TCF7: variants seen among roughly 807,000 people sequenced by gnomAD.
The protein encoded by TCF7 is T-cell-factor-7.
In TCF7, 19 loss-of-function variants were observed where a neutral mutation model predicts 46.8. The observed-to-expected ratio is 0.41, with a 90% confidence interval of 0.28 to 0.60. The LOEUF (loss-of-function observed/expected upper bound fraction) is 0.60, where lower values mean the gene tolerates loss of function less well. TCF7 is among the 20% of genes least tolerant of loss of function. The pLI is 0.35. For synonymous variants in TCF7, 245 were observed against 213.4 expected (o/e 1.15, Z -1.29); for missense variants, 547 against 504.6 (o/e 1.08, Z -0.81).
intron 3 of TCF7, among the ~76,000 whole-genome samples, chr5:134,127,641 G>C (rs73790165): frequency 1.3e-5 from 2 of 152,104 alleles, no homozygotes; most frequent in African/African-American, 4.8e-5. Context: ...TTATTCCCCC[G>C]TGGGAAAGCC....
At chr5:134,123,109 C>T (rs1347697794) in intron 3 of TCF7, among the ~76,000 whole-genome samples, 1 of 152,218 alleles carries the variant, frequency 6.6e-6, no homozygotes, top group Non-Finnish European at 1.5e-5. Context: ...ACACCCAGCA[C>T]ACAGTAGGTG....
intron 9 of TCF7, chr5:134,145,137 G>A: frequency 1.6e-6 from 1 of 640,112 alleles, no homozygotes. Context: ...CAGCTCTGAT[G>A]CCAGTGGGCC....
rs1760760890 is a variant in TCF7 at position 134,146,732 on chromosome 5, T to TC, written c.*430dup. The stretch of plus-strand genomic sequence containing the variant: ...GAATCAGATCTGTCTTGATGTGTCA[T>TC]CTAATTAAGGGAATCCCTTGTACCT... On this transcript the variant is annotated 3_prime_UTR_variant, in exon 10 of 10. Coordinates refer to ENST00000342854, the MANE Select transcript of TCF7 (RefSeq NM_003202.5). The TC allele has an allele frequency of 1.7e-6, 1 of 593,592 alleles. No individual in the cohort carries two copies. Among genetic ancestry groups the TC allele is most frequent in the Non-Finnish European group, 3.0e-6 (1 of 336,154 alleles). 36.8% of individuals were successfully genotyped at this position (593,592 alleles called of 1,614,324 possible). A position where few individuals can be genotyped will look rare whatever the true frequency, so the allele number is the denominator to read the frequency against.
the TCF7 span, among the ~76,000 whole-genome samples, chr5:134,109,369 C>T: frequency 6.6e-6 from 1 of 152,180 alleles, no homozygotes. Flanking sequence ...GTGACCCCCA[C>T]ATGAACACCA....
At chr5:134,116,463 G>T (rs1755855589) in intron 3 of TCF7, among the ~76,000 whole-genome samples, 1 of 152,270 alleles carries the variant, frequency 6.6e-6, no homozygotes, top group East Asian at 1.9e-4. Flanking sequence ...CAGGAAAGCT[G>T]ATCTGTTCAG....
upstream of TCF7, among the ~76,000 whole-genome samples, chr5:134,114,329 T>C (rs1233229457): frequency 1.3e-5 from 2 of 151,924 alleles, no homozygotes; most frequent in African/African-American, 4.8e-5. Context: ...CTGGGCACGA[T>C]ACAGTTCACA....
rs146571702 is a variant in TCF7 at position 134,128,567 on chromosome 5, G to A, written c.442-9492G>A. Among the ~76,000 whole-genome samples the A allele has an allele frequency of 2.6e-3, 386 of 147,906 alleles. 3 individuals are homozygous for A. Among genetic ancestry groups the A allele is most frequent in the African/African-American group, 9.8e-3 (375 of 38,430 alleles). On this transcript the variant is annotated intron_variant, in intron 3 of 9. Transcript: ENST00000342854. Reference sequence around the variant, plus strand: ...TCCTCCTAGGGCTGGTGCAGGCTGCGGGACAGAACACATGACAAGACCCCT... The same window carrying A: ...TCCTCCTAGGGCTGGTGCAGGCTGCAGGACAGAACACATGACAAGACCCCT...
At chr5:134,127,109 C>T (rs1012955430) in intron 3 of TCF7, among the ~76,000 whole-genome samples, 4 of 152,128 alleles carry the variant, frequency 2.6e-5, no homozygotes, top group Admixed American at 6.5e-5. Flanking sequence ...GGGGGCACTG[C>T]GGGCCAAGAA....
At chr5:134,113,807 T>G (rs1755430180), upstream of TCF7, among the ~76,000 whole-genome samples, 1 of 152,212 alleles carries the variant, frequency 6.6e-6, no homozygotes, top group Non-Finnish European at 1.5e-5. Context: ...GTTAGAGGGT[T>G]AGTCAGGCCA....
At position 134,146,248 on chromosome 5, in the gene TCF7, C is replaced by T; in HGVS notation, c.1100C>T (p.Thr367Ile). 1.2e-6 allele frequency: 2 copies of T among 1,614,222 alleles called. No individual in the cohort carries two copies. Among genetic ancestry groups the T allele is most frequent in the Non-Finnish European group, 1.7e-6 (2 of 1,180,040 alleles). ...TTGGKRNAFG[T>I]YPEKAAAPAP... is the part of the protein sequence containing the mutation. ...GGAGGAAAAAGAAATGCATTCGGTACTTACCCGGAGAAGGCCGCTGCCCCA... is the reference window on the plus strand; with the variant it reads ...GGAGGAAAAAGAAATGCATTCGGTATTTACCCGGAGAAGGCCGCTGCCCCA... Residue 367 changes from threonine (T) to isoleucine (I), a missense_variant, in exon 10 of 10, where the codon ACT (threonine) becomes ATT (isoleucine). Physicochemically the swap from Thr to Ile is moderately conservative, Grantham distance 89. Transcript: ENST00000342854.
chr5:134,147,180 T>TTA lies in TCF7; in HGVS notation c.*879_*880dup, dbSNP rs1760807942. On this transcript the variant is annotated 3_prime_UTR_variant, in exon 10 of 10. Transcript: ENST00000342854. ...GCAACAGAAATAATCTGACACTACC[T>TTA]TATCAGGCAAATTGGGGAGGGGAGG... 6.6e-6 allele frequency: 1 copy of TTA among 152,296 alleles called. No individual in the cohort carries two copies. The highest frequency in any genetic ancestry group is 2.4e-5 in the African/African-American group (1 of 41,456). 9.4% of individuals were successfully genotyped at this position (152,296 alleles called of 1,614,324 possible).
Position 134,115,573 on chromosome 5 carries a change from C to T in TCF7, c.316+186C>T, listed in dbSNP as rs1166888901. ...CCGCCGGGTCGAGTCACTTCCGGTG[C>T]CCTGACCTTTATAGGAGTAAACAGA... On this transcript the variant is annotated intron_variant, in intron 2 of 9. Transcript: ENST00000342854. The T allele has an allele frequency of 1.9e-5, 28 of 1,443,548 alleles. No individual in the cohort carries two copies. In the East Asian group the frequency reaches 5.7e-4, roughly 30 times the overall value. 89.4% of individuals were successfully genotyped at this position (1,443,548 alleles called of 1,614,324 possible).
chr5:134,134,329 G>A (rs1758562150), intron 3 of TCF7, among the ~76,000 whole-genome samples: 1 of 152,270 alleles, frequency 6.6e-6, no homozygotes, highest in South Asian at 2.1e-4. Flanking sequence ...CAGAGCCAAG[G>A]CTGGATGGCA....
rs780929127 is a variant in TCF7 at position 134,115,910 on chromosome 5, C to T, written c.318C>T (p.Gly106=). 2 of 1,613,914 alleles carry T rather than the reference C, an allele frequency of 1.2e-6. No individual in the cohort carries two copies. The highest frequency in any genetic ancestry group is 8.5e-7 in the Non-Finnish European group (1 of 1,180,002). Residue 106 remains glycine (G), a splice_region_variant and synonymous_variant, in exon 3 of 10, where the codon GGC becomes GGT. Transcript: ENST00000342854. ...PDKLPEPLED[G]LKAPECTSGM... ...CTGACCCAGCTGTGGTTTTTCCAGG[C>T]CTGAAGGCCCCGGAGTGCACCAGCG...
chr5:134,112,006 A>T (rs1436722796), upstream of TCF7, among the ~76,000 whole-genome samples: 1 of 152,200 alleles, frequency 6.6e-6, no homozygotes, highest in Non-Finnish European at 1.5e-5. Flanking sequence ...TGCCTGGCAC[A>T]TAGTAATCAC....
At chr5:134,142,684 G>A (rs759773122) in intron 6 of TCF7, 37 bp from the exon 7 acceptor site, 57 of 1,608,256 alleles carry the variant, frequency 3.5e-5, no homozygotes, top group African/African-American at 2.1e-4. Flanking sequence ...GTGGGCACTC[G>A]GGGGGCTCCT....
At chr5:134,132,330 G>A (rs1231328959) in intron 3 of TCF7, among the ~76,000 whole-genome samples, 2 of 152,164 alleles carry the variant, frequency 1.3e-5, no homozygotes, top group Non-Finnish European at 2.9e-5. Flanking sequence ...CTTTTCTCTA[G>A]GCCTGAAGCA....
In TCF7 at chr5:134,146,791, T is replaced by C. The variant is rs1760769807; in HGVS notation, c.*488T>C. The C allele has an allele frequency of 2.0e-6, 1 of 496,608 alleles. No homozygotes were observed. Among genetic ancestry groups the C allele is most frequent in the Non-Finnish European group, 3.5e-6 (1 of 281,842 alleles). 30.8% of individuals were successfully genotyped at this position (496,608 alleles called of 1,614,324 possible). On this transcript the variant is annotated 3_prime_UTR_variant, in exon 10 of 10. Coordinates refer to ENST00000342854, the MANE Select transcript of TCF7 (RefSeq NM_003202.5). ...CTGCATCTATTCTTTGTACCATCTG[T>C]CTTGCCAGCCAGAAGCCTCTGCCTC...
chr5:134,130,630 G>C (rs182506489), intron 3 of TCF7, among the ~76,000 whole-genome samples: 1 of 152,324 alleles, frequency 6.6e-6, no homozygotes, highest in African/African-American at 2.4e-5. Flanking sequence ...CCAAAGTATT[G>C]CAGGCAGGAG....
Sources: allele counts gnomAD v4.1 joint callset (sites outside exome capture counted in the v4.1 genomes callset), GRCh38; gene constraint gnomAD v4.1.1; transcripts MANE v1.5; gene names NCBI Gene and HGNC (gene_info 2026-07-23, HGNC 2026-07-21).